CIMAP3: variants seen among roughly 807,000 people sequenced by gnomAD.
CIMAP3 encodes ciliary microtubule-associated protein 3.
chr1:111,332,929 T>G, the CIMAP3 span, among the ~76,000 whole-genome samples: 2 of 152,212 alleles, frequency 1.3e-5, no homozygotes, highest in Non-Finnish European at 2.9e-5. Flanking sequence ...CAGAGGCGTT[T>G]GTACCAGGTG....
At chr1:111,346,502 G>A in the CIMAP3 span, 6 of 1,197,692 alleles carry the variant, frequency 5.0e-6, no homozygotes, top group South Asian at 7.1e-5. Context: ...GCGGGTTCCT[G>A]CCCCAGTAGT....
At chr1:111,335,282 G>A in the CIMAP3 span, among the ~76,000 whole-genome samples, 1,050 of 151,888 alleles carry the variant, frequency 6.9e-3, 14 homozygotes, top group African/African-American at 0.024. Flanking sequence ...CACAGAAGAC[G>A]GGTGATTTCT....
At chr1:111,347,637 T>TG in the CIMAP3 span, 2 of 1,188,998 alleles carry the variant, frequency 1.7e-6, no homozygotes, top group South Asian at 1.4e-5. Flanking sequence ...TTTTTTTTTT[T>TG]GGTGTTTTTG....
At chr1:111,338,380 A>T in the CIMAP3 span, among the ~76,000 whole-genome samples, 1 of 151,896 alleles carries the variant, frequency 6.6e-6, no homozygotes, top group Non-Finnish European at 1.5e-5. Context: ...GACACAAAAA[A>T]ACCCTTCAAA....
At chr1:111,348,390 A>G in the CIMAP3 span, 1 of 989,938 alleles carries the variant, frequency 1.0e-6, no homozygotes. Flanking sequence ...CTGTAGCTTG[A>G]GGTGGCTGAA....
At chr1:111,339,541 A>G in the CIMAP3 span, among the ~76,000 whole-genome samples, 14 of 151,532 alleles carry the variant, frequency 9.2e-5, no homozygotes, top group African/African-American at 3.4e-4. Context: ...AAAAATCACA[A>G]GCATTCTTAT....
the CIMAP3 span, among the ~76,000 whole-genome samples, chr1:111,333,004 C>A: frequency 3.2e-3 from 487 of 152,316 alleles, 3 homozygotes; most frequent in African/African-American, 0.011. Flanking sequence ...GGACAAGGGC[C>A]TGTCTGCAGT....
At chr1:111,334,346 T>C in the CIMAP3 span, among the ~76,000 whole-genome samples, 1 of 152,228 alleles carries the variant, frequency 6.6e-6, no homozygotes, top group African/African-American at 2.4e-5. Flanking sequence ...GAGGCAAATC[T>C]GGGCTTAGGG....
chr1:111,351,401 C>G, the CIMAP3 span: 1 of 1,281,386 alleles, frequency 7.8e-7, no homozygotes, highest in Non-Finnish European at 1.1e-6. Flanking sequence ...TGCTCTTCTT[C>G]TTCTACGTTA....
chr1:111,350,022 T>A, the CIMAP3 span: 10 of 1,053,538 alleles, frequency 9.5e-6, no homozygotes, highest in South Asian at 1.3e-4. Context: ...AGGTTAGGCC[T>A]AGTCCAGGGA....
the CIMAP3 span, among the ~76,000 whole-genome samples, chr1:111,326,959 G>T: frequency 1.3e-5 from 2 of 151,802 alleles, no homozygotes; most frequent in South Asian, 4.1e-4. Context: ...TTATTTTTGA[G>T]TTGTTTTACT....
At chr1:111,341,398 G>T in the CIMAP3 span, among the ~76,000 whole-genome samples, 1 of 152,062 alleles carries the variant, frequency 6.6e-6, no homozygotes, top group South Asian at 2.1e-4. Context: ...ATGCGTCAAA[G>T]TATTGAGAAA....
the CIMAP3 span, chr1:111,351,159 A>C: frequency 2.3e-6 from 2 of 856,202 alleles, no homozygotes; most frequent in Non-Finnish European, 3.6e-6. Flanking sequence ...CACCTCTATA[A>C]TGTACAGTTT....
the CIMAP3 span, among the ~76,000 whole-genome samples, chr1:111,339,326 T>C: frequency 6.7e-6 from 1 of 149,406 alleles, no homozygotes; most frequent in East Asian, 2.0e-4. Flanking sequence ...ACCACTCCTA[T>C]TCAACATAGT....
At chr1:111,336,380 G>C in the CIMAP3 span, among the ~76,000 whole-genome samples, 9 of 152,138 alleles carry the variant, frequency 5.9e-5, no homozygotes, top group South Asian at 6.2e-4. Context: ...AGAGAAGAAG[G>C]CTTCAGACAA....
the CIMAP3 span, among the ~76,000 whole-genome samples, chr1:111,344,440 C>G: frequency 2.0e-4 from 31 of 152,186 alleles, no homozygotes; most frequent in Admixed American, 3.3e-4. Flanking sequence ...GCTTCTTAGC[C>G]AGCTTTTTAT....
At chr1:111,330,357 A>T in the CIMAP3 span, among the ~76,000 whole-genome samples, 1 of 144,808 alleles carries the variant, frequency 6.9e-6, no homozygotes, top group Non-Finnish European at 1.5e-5. Context: ...CAATCACTAC[A>T]CTTCTTTTCT....
chr1:111,332,982 G>A, the CIMAP3 span, among the ~76,000 whole-genome samples: 3 of 152,198 alleles, frequency 2.0e-5, no homozygotes, highest in Non-Finnish European at 4.4e-5. Flanking sequence ...GTAGGCACAG[G>A]GGCACTGGAC....
chr1:111,335,824 G>C, the CIMAP3 span, among the ~76,000 whole-genome samples: 1 of 152,242 alleles, frequency 6.6e-6, no homozygotes, highest in Admixed American at 6.5e-5. Context: ...AAATGTCCCT[G>C]TCTGACAGCT....
Sources: allele counts gnomAD v4.1 joint callset (sites outside exome capture counted in the v4.1 genomes callset), GRCh38; gene constraint gnomAD v4.1.1; transcripts MANE v1.5; gene names NCBI Gene and HGNC (gene_info 2026-07-23, HGNC 2026-07-21).